Variants in ZBTB25 observed in about 807,000 individuals in gnomAD.
The protein encoded by ZBTB25 is zinc finger and BTB domain containing 25.
Under a neutral mutation model 34.2 loss-of-function variants are expected in ZBTB25, and 20 were observed. The observed-to-expected ratio is 0.58, with a 90% CI of 0.41 to 0.85. The LOEUF (loss-of-function observed/expected upper bound fraction) is 0.85. Ranked by LOEUF, ZBTB25 falls within the 40% of genes least tolerant of loss-of-function variation. ZBTB25 has a pLI of 0.00. For missense variants in ZBTB25, 437 were observed against 521.8 expected (o/e 0.84, Z 1.58); for synonymous variants, 175 against 186.4 (o/e 0.94, Z 0.50).
chr14:64,468,371 A>G (rs781028642), intron 2 of ZBTB25: 1 of 1,553,806 alleles, frequency 6.4e-7, no homozygotes, highest in Non-Finnish European at 8.7e-7. Flanking sequence ...ACAGTTTTCT[A>G]GAGAATAAGA....
chr14:64,452,141 T>C (rs578207526), intron 2 of ZBTB25, among the ~76,000 whole-genome samples: 2 of 152,168 alleles, frequency 1.3e-5, no homozygotes, highest in East Asian at 1.9e-4. Context: ...ACTAAAAATA[T>C]AAAATTAGCC....
chr14:64,486,587 C>T lies in ZBTB25; in HGVS notation c.*336G>A. 3 of 937,780 alleles carry T rather than the reference C, an allele frequency of 3.2e-6. No homozygotes were observed. The highest frequency in any genetic ancestry group is 3.9e-6 in the Non-Finnish European group (3 of 778,780). The allele number at this position is 937,780 out of a possible 1,614,324, so 58.1% of individuals were successfully genotyped here. A position where few individuals can be genotyped will look rare whatever the true frequency, so the allele number is the denominator to read the frequency against. On this transcript the variant is annotated 3_prime_UTR_variant, in exon 3 of 3. Coordinates refer to ENST00000608382, the MANE Select transcript of ZBTB25 (RefSeq NM_006977.5). Reference sequence around the variant, plus strand: ...TATGCTTTAAAACAGATTTCATTTACTTTATATTCAATTTGATTTTACTGA... The same window carrying T: ...TATGCTTTAAAACAGATTTCATTTATTTTATATTCAATTTGATTTTACTGA...
intron 2 of ZBTB25, chr14:64,459,834 A>T (rs764603635): frequency 6.5e-7 from 1 of 1,535,912 alleles, no homozygotes; most frequent in Admixed American, 2.0e-5. Flanking sequence ...GTTAGGAAGT[A>T]TAAGTAAGCC....
At chr14:64,503,272 G>T in intron 1 of ZBTB25, 4 of 985,474 alleles carry the variant, frequency 4.1e-6, no homozygotes, top group Non-Finnish European at 4.8e-6. Flanking sequence ...CCAGCATCTG[G>T]AAAGTCGCCC....
chr14:64,450,164 G>A (rs2140983261), intron 2 of ZBTB25, among the ~76,000 whole-genome samples: 1 of 152,320 alleles, frequency 6.6e-6, no homozygotes, highest in African/African-American at 2.4e-5. Flanking sequence ...CAGGGTGGAG[G>A]GGGAACCGTT....
intron 2 of ZBTB25, chr14:64,463,399 A>G (rs2078576518): frequency 6.6e-6 from 1 of 152,126 alleles, no homozygotes; most frequent in Non-Finnish European, 1.5e-5. Flanking sequence ...AATATACCTT[A>G]AGGAAGTCTG....
In ZBTB25 at chr14:64,483,875, C is replaced by T. The variant is rs12886478; in HGVS notation, c.*3048G>A. On this transcript the variant is annotated 3_prime_UTR_variant, in exon 3 of 3. Coordinates refer to ENST00000608382, the MANE Select transcript of ZBTB25 (RefSeq NM_006977.5). ...AGGAGAATCACTTGAATTCGAGAGG[C>T]GGAGGTTGCAGTGAGCTGAGATTGC... 0.12 allele frequency: 15,109 copies of T among 128,932 alleles called. 947 individuals are homozygous for T. Among genetic ancestry groups the T allele is most frequent in the Middle Eastern group, 0.19 (42 of 224 alleles). The allele number at this position is 128,932 out of a possible 1,614,324, so 8.0% of individuals were successfully genotyped here.
chr14:64,500,463 A>AG, intron 1 of ZBTB25, among the ~76,000 whole-genome samples: 1 of 135,118 alleles, frequency 7.4e-6, no homozygotes, highest in Admixed American at 8.0e-5. Context: ...GCAAAAAAAA[A>AG]AAAAAAAAAA....
intron 1 of ZBTB25, among the ~76,000 whole-genome samples, chr14:64,492,197 ATATTAT>A (rs60636820): frequency 0.017 from 2,257 of 135,526 alleles, 50 homozygotes; most frequent in African/African-American, 0.053. Flanking sequence ...TCCCCAAGTT[ATATTAT>A]TATTATTATT....
At chr14:64,490,330 A>C (rs1173837404) in intron 2 of ZBTB25, 31 bp downstream of exon 2, 1 of 1,493,706 alleles carries the variant, frequency 6.7e-7, no homozygotes, top group Admixed American at 2.1e-5. Flanking sequence ...CACAATATTA[A>C]AAATTCTTAT....
At chr14:64,476,203 T>C (rs1402538148), downstream of ZBTB25, among the ~76,000 whole-genome samples, 2 of 152,248 alleles carry the variant, frequency 1.3e-5, no homozygotes, top group African/African-American at 4.8e-5. Context: ...GCTTCAGGCA[T>C]GCATGTGCTG....
Position 64,485,517 on chromosome 14 carries a change from C to T in ZBTB25, c.*1406G>A, listed in dbSNP as rs529267717. 8.7e-5 allele frequency: 86 copies of T among 985,360 alleles called. No homozygotes were observed. Among genetic ancestry groups the T allele is most frequent in the Middle Eastern group, 5.2e-4 (1 of 1,914 alleles). 61.0% of individuals were successfully genotyped at this position (985,360 alleles called of 1,614,324 possible). ...GGGAATCTGTTATTTCTTTCATCAACTTTAATTTTCCTGGGGTTTTAGCTT... is the reference window on the plus strand; with the variant it reads ...GGGAATCTGTTATTTCTTTCATCAATTTTAATTTTCCTGGGGTTTTAGCTT... On this transcript the variant is annotated 3_prime_UTR_variant, in exon 3 of 3. Coordinates refer to ENST00000608382, the MANE Select transcript of ZBTB25 (RefSeq NM_006977.5).
chr14:64,501,291 G>A (rs183801622), intron 1 of ZBTB25, among the ~76,000 whole-genome samples: 1 of 152,234 alleles, frequency 6.6e-6, no homozygotes, highest in Admixed American at 6.5e-5. Flanking sequence ...TCTTAAAATC[G>A]TCACTGTGAT....
At chr14:64,494,980 A>G (rs2079219154) in intron 1 of ZBTB25, among the ~76,000 whole-genome samples, 1 of 152,102 alleles carries the variant, frequency 6.6e-6, no homozygotes, top group Non-Finnish European at 1.5e-5. Context: ...TTCTTTTTTA[A>G]AGTTTCTAAT....
chr14:64,466,236 G>A (rs1032632495), intron 2 of ZBTB25, among the ~76,000 whole-genome samples: 1 of 152,244 alleles, frequency 6.6e-6, no homozygotes, highest in Non-Finnish European at 1.5e-5. Context: ...TGCTGGTTAA[G>A]AGCGAATCAT....
At chr14:64,492,288 C>A (rs1404723162) in intron 1 of ZBTB25, among the ~76,000 whole-genome samples, 1 of 151,764 alleles carries the variant, frequency 6.6e-6, no homozygotes, top group African/African-American at 2.4e-5. Context: ...CTTACTGCAA[C>A]CTCCGCCTCC....
At chr14:64,456,752 C>T (rs2078481295) in intron 2 of ZBTB25, among the ~76,000 whole-genome samples, 1 of 152,282 alleles carries the variant, frequency 6.6e-6, no homozygotes, top group East Asian at 1.9e-4. Context: ...TGTCAGATCC[C>T]TATAATGTGT....
chr14:64,456,165 C>G (rs1458131354), intron 2 of ZBTB25, among the ~76,000 whole-genome samples: 1 of 152,164 alleles, frequency 6.6e-6, no homozygotes, highest in Non-Finnish European at 1.5e-5. Flanking sequence ...AGCAGTCAGG[C>G]CAGTGAGAGT....
rs1566605554 is a variant in ZBTB25, at chr14:64,490,423, G to A, written c.111C>T (p.Ala37=). The part of the protein sequence containing the change: ...TVAIGDVYFK[A]HRAVLAAFSN... ...AAAAAGCAGCAAGCACTGCTCTGTG[G>A]GCTTTGAAGTAAACATCTCCAATTG... is the stretch of plus-strand genomic sequence containing the variant. Residue 37 remains alanine (A), a synonymous_variant, in exon 2 of 3, where the codon GCC becomes GCT. Transcript: ENST00000608382. The A allele has an allele frequency of 2.5e-6, 4 of 1,613,264 alleles. No individual in the cohort carries two copies. The highest frequency in any genetic ancestry group is 2.5e-6 in the Non-Finnish European group (3 of 1,179,588).
Sources: gnomAD v4.1 joint callset for allele counts (sites outside exome capture counted in the v4.1 genomes callset) on GRCh38, gnomAD v4.1.1 for gene constraint, MANE v1.5 for transcripts, NCBI Gene and HGNC (gene_info 2026-07-23, HGNC 2026-07-21) for gene names.